SPATA16: variants seen among roughly 807,000 people sequenced by gnomAD.
The protein encoded by SPATA16 is spermatogenesis-associated protein 16.
SPATA16 carries 36 observed loss-of-function variants against 63.3 expected under a neutral mutation model. The observed-to-expected ratio is 0.57, with a 90% CI of 0.44 to 0.75. SPATA16 has a LOEUF of 0.75. Among genes scored for constraint, SPATA16 ranks in the 30% least tolerant of loss-of-function variants. SPATA16 has a pLI of 0.00. For missense variants in SPATA16, 646 were observed against 679.3 expected (o/e 0.95, Z 0.54); for synonymous variants, 203 against 216.7 (o/e 0.94, Z 0.56).
intron 6 of SPATA16, among the ~76,000 whole-genome samples, chr3:172,946,086 A>G (rs1733277585): frequency 6.6e-6 from 1 of 152,174 alleles, no homozygotes; most frequent in African/African-American, 2.4e-5. Flanking sequence ...CTCAGACAAC[A>G]TTACCAGACA....
chr3:173,028,018 CCTTCTTTCCTTCCTTCCTT>C (rs1735501286), intron 3 of SPATA16, among the ~76,000 whole-genome samples: 19 of 63,204 alleles, frequency 3.0e-4, no homozygotes, highest in African/African-American at 1.5e-3. Flanking sequence ...TCCCTCCCTT[CCTTCTTTCCTTCCTTCCTT>C]CCTTCCTTCC....
intron 4 of SPATA16, among the ~76,000 whole-genome samples, chr3:173,001,259 T>G (rs1000069662): frequency 4.6e-5 from 7 of 151,186 alleles, no homozygotes; most frequent in Non-Finnish European, 1.0e-4. Context: ...TGACCAATGC[T>G]TCTCAGTTGT....
chr3:172,985,917 A>G (rs1734444730), intron 4 of SPATA16, among the ~76,000 whole-genome samples: 1 of 152,160 alleles, frequency 6.6e-6, no homozygotes, highest in Non-Finnish European at 1.5e-5. Flanking sequence ...GCAAGGGACA[A>G]TTGAAGAGTT....
intron 1 of SPATA16, among the ~76,000 whole-genome samples, chr3:173,123,645 C>T (rs1286946008): frequency 1.3e-5 from 2 of 150,614 alleles, no homozygotes; most frequent in African/African-American, 4.9e-5. Context: ...CTCTTATCAC[C>T]CAGGCTGGAG....
At chr3:172,892,943 A>G (rs1440015589) in intron 10 of SPATA16, among the ~76,000 whole-genome samples, 3 of 152,204 alleles carry the variant, frequency 2.0e-5, no homozygotes, top group African/African-American at 7.2e-5. Context: ...TGATATGGAC[A>G]TTAGACCAAA....
intron 10 of SPATA16, among the ~76,000 whole-genome samples, chr3:172,911,025 T>G (rs1732360842): frequency 6.6e-6 from 1 of 152,214 alleles, no homozygotes; most frequent in Admixed American, 6.5e-5. Flanking sequence ...TCCATTTCTT[T>G]TTTGCCAACT....
intron 4 of SPATA16, among the ~76,000 whole-genome samples, chr3:173,017,252 G>T (rs1735211439): frequency 6.6e-6 from 1 of 152,048 alleles, no homozygotes; most frequent in Admixed American, 6.5e-5. Flanking sequence ...GCATAACCAA[G>T]AATTACCAGG....
intron 2 of SPATA16, among the ~76,000 whole-genome samples, chr3:173,053,349 C>A (rs1030981650): frequency 6.6e-6 from 1 of 152,008 alleles, no homozygotes; most frequent in Admixed American, 6.6e-5. Context: ...TGCACTCCAG[C>A]CTGGGTGACA....
chr3:173,019,465 C>G, intron 4 of SPATA16, 21 bp downstream of exon 4: 3 of 1,604,444 alleles, frequency 1.9e-6, no homozygotes, highest in Non-Finnish European at 2.6e-6. Context: ...TAAATCCTCA[C>G]AAAAGTTAAA....
chr3:173,098,112 A>C (rs1017392986), intron 2 of SPATA16, among the ~76,000 whole-genome samples: 2 of 152,022 alleles, frequency 1.3e-5, no homozygotes, highest in Non-Finnish European at 2.9e-5. Context: ...TGTTTATGGA[A>C]TAATTCCACC....
intron 5 of SPATA16, among the ~76,000 whole-genome samples, chr3:172,964,515 A>G (rs1453387946): frequency 6.6e-6 from 1 of 152,198 alleles, no homozygotes; most frequent in African/African-American, 2.4e-5. Flanking sequence ...AAATAGCTAC[A>G]TTACCTGCAA....
chr3:173,029,770 T>C (rs564247510), intron 3 of SPATA16, among the ~76,000 whole-genome samples: 51 of 152,114 alleles, frequency 3.4e-4, no homozygotes, highest in Non-Finnish European at 6.5e-4. Context: ...TTTCTCCCCA[T>C]AGGGATAGAT....
chr3:172,992,968 C>A (rs1734612991), intron 4 of SPATA16, among the ~76,000 whole-genome samples: 1 of 152,104 alleles, frequency 6.6e-6, no homozygotes, highest in Non-Finnish European at 1.5e-5. Flanking sequence ...ATCTTTTGAG[C>A]AATTACACCT....
chr3:173,074,040 A>C (rs549691729), intron 2 of SPATA16, among the ~76,000 whole-genome samples: 5 of 152,292 alleles, frequency 3.3e-5, no homozygotes, highest in African/African-American at 9.6e-5. Flanking sequence ...TCGGACTTGC[A>C]TGGGGTCTTT....
chr3:172,892,197 G>C (rs2861042), intron 10 of SPATA16, among the ~76,000 whole-genome samples: 76,866 of 151,998 alleles, frequency 0.51, 20,806 homozygotes, highest in South Asian at 0.68. Context: ...AGCTTTGAGA[G>C]TGTCTTGCCT....
intron 1 of SPATA16, among the ~76,000 whole-genome samples, chr3:173,125,835 T>C (rs1194993304): frequency 6.6e-6 from 1 of 152,246 alleles, no homozygotes; most frequent in African/African-American, 2.4e-5. Context: ...ATACTCAGAA[T>C]GTGCTCAAAA....
At chr3:172,947,772 C>T (rs1215866122) in intron 6 of SPATA16, among the ~76,000 whole-genome samples, 1 of 151,920 alleles carries the variant, frequency 6.6e-6, no homozygotes, top group African/African-American at 2.4e-5. Context: ...TCACCGGGGC[C>T]TGTCGGGGAG....
intron 4 of SPATA16, among the ~76,000 whole-genome samples, chr3:172,978,520 C>T (rs77817507): frequency 0.013 from 2,022 of 152,182 alleles, 46 homozygotes; most frequent in African/African-American, 0.046. Flanking sequence ...TTTAAGAAAT[C>T]GATGGAAAAT....
intron 10 of SPATA16, among the ~76,000 whole-genome samples, chr3:172,902,134 T>C (rs564602265): frequency 2.6e-5 from 4 of 152,098 alleles, no homozygotes; most frequent in African/African-American, 9.7e-5. Context: ...GCCTCTCGGG[T>C]TCAAGTGATT....
Sources: gnomAD v4.1 joint callset for allele counts (sites outside exome capture counted in the v4.1 genomes callset) on GRCh38, gnomAD v4.1.1 for gene constraint, MANE v1.5 for transcripts, NCBI Gene and HGNC (gene_info 2026-07-23, HGNC 2026-07-21) for gene names.